XKR9: variants seen among roughly 807,000 people sequenced by gnomAD.
XKR9 encodes the protein XK related 9.
XKR9 carries 32 observed loss-of-function variants against 32.0 expected under a neutral mutation model. That is an observed-to-expected ratio of 1.00 (90% confidence interval 0.76 to 1.34). The LOEUF (loss-of-function observed/expected upper bound fraction) is 1.34, where lower values mean the gene tolerates loss of function less well. XKR9 is among the 40% of genes most tolerant of loss of function. The pLI is 0.00. For synonymous variants in XKR9, 168 were observed against 143.4 expected (o/e 1.17, Z -1.22); for missense variants, 546 against 429.7 (o/e 1.27, Z -2.39).
intron 2 of XKR9, among the ~76,000 whole-genome samples, chr8:70,746,071 T>C (rs1166017815): frequency 1.3e-5 from 2 of 152,186 alleles, no homozygotes; most frequent in Non-Finnish European, 2.9e-5. Context: ...TGTAGTTAAA[T>C]GGTATCCTTC....
intron 3 of XKR9, among the ~76,000 whole-genome samples, chr8:70,704,143 C>G (rs1805638067): frequency 1.3e-5 from 2 of 151,868 alleles, no homozygotes; most frequent in Admixed American, 6.6e-5. Context: ...GATTGTGCCA[C>G]TGCACTCCAG....
At chr8:70,738,899 C>A (rs36137830), downstream of XKR9, among the ~76,000 whole-genome samples, 61,134 of 151,802 alleles carry the variant, frequency 0.4, 13,820 homozygotes, top group Non-Finnish European at 0.52. Context: ...AGTATGTGGT[C>A]AATTTTGGAA....
chr8:70,989,197 A>G, the XKR9 span, among the ~76,000 whole-genome samples: 1 of 152,242 alleles, frequency 6.6e-6, no homozygotes, highest in South Asian at 2.1e-4. Context: ...GGAAACCAGC[A>G]TTCTGTTAAT....
chr8:70,811,368 A>G, the XKR9 span, among the ~76,000 whole-genome samples: 1 of 152,220 alleles, frequency 6.6e-6, no homozygotes, highest in Non-Finnish European at 1.5e-5. Context: ...CCCTAACATC[A>G]CAATTAAAAG....
the XKR9 span, among the ~76,000 whole-genome samples, chr8:70,822,716 T>C: frequency 6.6e-6 from 1 of 152,118 alleles, no homozygotes; most frequent in African/African-American, 2.4e-5. Flanking sequence ...CAAGCATGAC[T>C]TGTTTCCTTC....
the XKR9 span, among the ~76,000 whole-genome samples, chr8:70,801,429 T>C: frequency 6.6e-6 from 1 of 152,234 alleles, no homozygotes; most frequent in Non-Finnish European, 1.5e-5. Context: ...TGCCCAAAAG[T>C]CATTCAGGAG....
chr8:70,854,649 G>A, the XKR9 span, among the ~76,000 whole-genome samples: 15 of 152,100 alleles, frequency 9.9e-5, no homozygotes, highest in Admixed American at 2.6e-4. Flanking sequence ...GGTTTTTATG[G>A]TTTTAGGTCT....
the XKR9 span, among the ~76,000 whole-genome samples, chr8:70,841,866 T>C: frequency 6.6e-6 from 1 of 152,188 alleles, no homozygotes; most frequent in Non-Finnish European, 1.5e-5. Flanking sequence ...GGATCCTCCA[T>C]TGTAAAGTTG....
chr8:70,821,547 G>T, the XKR9 span, among the ~76,000 whole-genome samples: 2 of 152,180 alleles, frequency 1.3e-5, no homozygotes, highest in African/African-American at 4.8e-5. Context: ...CTCCATGAGG[G>T]CCCCACCCCT....
Position 70,732,465 on chromosome 8 carries a change from C to T in XKR9, c.494-1331C>T, listed in dbSNP as rs1430341340. ...GAACTAGGCAGCCACTTGGGCTGGCCTCTGGATCCATTGCCAGAGTGGGGC... is the reference window on the plus strand; with the variant it reads ...GAACTAGGCAGCCACTTGGGCTGGCTTCTGGATCCATTGCCAGAGTGGGGC... On this transcript the variant is annotated intron_variant, in intron 4 of 4. Transcript: ENST00000408926. Among the ~76,000 whole-genome samples the T allele has an allele frequency of 3.9e-5, 6 of 152,342 alleles. No homozygotes were observed. In the East Asian group the frequency reaches 1.2e-3, roughly 29 times the overall value.
the XKR9 span, among the ~76,000 whole-genome samples, chr8:70,808,556 G>T: frequency 2.6e-5 from 4 of 152,270 alleles, no homozygotes; most frequent in East Asian, 3.9e-4. Flanking sequence ...GCCAAGGAAA[G>T]GGGTGACAGA....
the XKR9 span, among the ~76,000 whole-genome samples, chr8:70,867,120 T>C: frequency 2.0e-5 from 3 of 152,142 alleles, no homozygotes; most frequent in Non-Finnish European, 2.9e-5. Flanking sequence ...GGCCTCACAA[T>C]CATGGCAGCA....
chr8:70,922,730 G>A, the XKR9 span, among the ~76,000 whole-genome samples: 1 of 152,182 alleles, frequency 6.6e-6, no homozygotes, highest in Non-Finnish European at 1.5e-5. Flanking sequence ...TGCCTTGTGT[G>A]GCACATGACA....
chr8:70,921,676 T>C, the XKR9 span, among the ~76,000 whole-genome samples: 4 of 152,238 alleles, frequency 2.6e-5, no homozygotes, highest in Non-Finnish European at 5.9e-5. Flanking sequence ...TGTGTAATTT[T>C]ATGGCAGACA....
rs1806847402 is a variant in XKR9 at position 70,735,792 on chromosome 8, C to G, written c.*1368C>G. On this transcript the variant is annotated 3_prime_UTR_variant, in exon 5 of 5. Transcript: ENST00000408926. The stretch of plus-strand genomic sequence containing the variant: ...TCCATGTCCCTACAAAGGACATGAA[C>G]TCATCATTTTTTATGGCTGCATAGT... 6.6e-6 allele frequency: 1 copy of G among 151,896 alleles called. No individual in the cohort carries two copies. Among genetic ancestry groups the G allele is most frequent in the African/African-American group, 2.4e-5 (1 of 41,318 alleles). The allele number at this position is 151,896 out of a possible 1,614,324, so 9.4% of individuals were successfully genotyped here. A position where few individuals can be genotyped will look rare whatever the true frequency, so the allele number is the denominator to read the frequency against.
chr8:70,701,798 A>G (rs1805546350), intron 3 of XKR9, among the ~76,000 whole-genome samples: 1 of 152,154 alleles, frequency 6.6e-6, no homozygotes, highest in Admixed American at 6.6e-5. Flanking sequence ...TATGTATGCC[A>G]TTACTGTTCA....
the XKR9 span, among the ~76,000 whole-genome samples, chr8:70,916,490 T>C: frequency 6.6e-6 from 1 of 152,222 alleles, no homozygotes; most frequent in Non-Finnish European, 1.5e-5. Context: ...GAATGGGAGA[T>C]AACCTGGGAA....
chr8:70,894,047 A>T, the XKR9 span, among the ~76,000 whole-genome samples: 1 of 152,034 alleles, frequency 6.6e-6, no homozygotes, highest in Non-Finnish European at 1.5e-5. Context: ...AGCAAGGCAT[A>T]GCACTTGCCT....
chr8:70,895,581 A>G, the XKR9 span, among the ~76,000 whole-genome samples: 1 of 152,192 alleles, frequency 6.6e-6, no homozygotes, highest in Non-Finnish European at 1.5e-5. Flanking sequence ...TGAAAAAGAT[A>G]TCCTTTTCTT....
Sources: gnomAD v4.1 joint callset for allele counts (sites outside exome capture counted in the v4.1 genomes callset) on GRCh38, gnomAD v4.1.1 for gene constraint, MANE v1.5 for transcripts, NCBI Gene and HGNC (gene_info 2026-07-23, HGNC 2026-07-21) for gene names.